DISC1: variants seen among roughly 807,000 people sequenced by gnomAD.
DISC1 encodes the protein disrupted in schizophrenia 1 protein.
A neutral mutation model predicts 84.5 loss-of-function variants in DISC1; 57 were observed. That is an observed-to-expected ratio of 0.67 (90% CI 0.55 to 0.84). The LOEUF is 0.84. DISC1 is among the 40% of genes least tolerant of loss of function. The probability of loss-of-function intolerance (pLI) is 0.00; values close to 1 mark genes in which losing one functional copy is unlikely to be tolerated. For synonymous variants in DISC1, 411 were observed against 415.2 expected (o/e 0.99, Z 0.12); for missense variants, 1,000 against 1,057.8 (o/e 0.95, Z 0.76).
At chr1:231,835,276 G>A (rs552098968) in intron 9 of DISC1, among the ~76,000 whole-genome samples, 2 of 152,332 alleles carry the variant, frequency 1.3e-5, no homozygotes, top group African/African-American at 4.8e-5. Context: ...AACAGGCTTT[G>A]TGTGAGCAAC....
intron 9 of DISC1, among the ~76,000 whole-genome samples, chr1:231,921,247 C>T (rs2089991022): frequency 6.6e-6 from 1 of 152,108 alleles, no homozygotes; most frequent in Admixed American, 6.5e-5. Flanking sequence ...GGCACTGGCT[C>T]AGGGCTCCAA....
chr1:231,929,324 C>T (rs1053254481), intron 9 of DISC1, among the ~76,000 whole-genome samples: 6 of 152,134 alleles, frequency 3.9e-5, no homozygotes, highest in African/African-American at 1.4e-4. Context: ...TTCATCCTTC[C>T]TCTCCTACTC....
intron 9 of DISC1, among the ~76,000 whole-genome samples, chr1:231,948,006 G>C (rs530123472): frequency 6.6e-6 from 1 of 152,270 alleles, no homozygotes; most frequent in East Asian, 1.9e-4. Context: ...TTACACTGTT[G>C]GTGGGAGTGT....
rs1341066467 is a variant in DISC1 at position 232,009,816 on chromosome 1, T to TC, written c.2307+768dup. Among the ~76,000 whole-genome samples, 1 of 152,158 alleles carries TC rather than the reference T, an allele frequency of 6.6e-6. No homozygotes were observed. Among genetic ancestry groups the TC allele is most frequent in the Non-Finnish European group, 1.5e-5 (1 of 68,026 alleles). On this transcript the variant is annotated intron_variant, in intron 11 of 12. Transcript: ENST00000439617. The surrounding 1 kb of genome is among the most constrained non-coding windows in gnomAD (Gnocchi z 4.6). ...TTCAGAGCTCTTTGTTGGCCCAGGT[T>TC]CACAGGTGTTGTGAGTGTGGAAAGG...
At chr1:231,948,537 T>C (rs1391261191) in intron 9 of DISC1, among the ~76,000 whole-genome samples, 6 of 151,910 alleles carry the variant, frequency 3.9e-5, no homozygotes, top group Admixed American at 3.9e-4. Flanking sequence ...CAAAACACCG[T>C]GGCACGTGTA....
intron 9 of DISC1, among the ~76,000 whole-genome samples, chr1:231,920,514 C>T (rs1031852909): frequency 6.6e-6 from 1 of 152,178 alleles, no homozygotes; most frequent in African/African-American, 2.4e-5. Flanking sequence ...TAGAATCATA[C>T]AGTATTTGCC....
At chr1:231,958,932 A>G in intron 10 of DISC1, 44 bp downstream of exon 10, 1 of 1,570,094 alleles carries the variant, frequency 6.4e-7, no homozygotes, top group Non-Finnish European at 8.6e-7. Flanking sequence ...TAGCACATCT[A>G]GATTCTTTAT....
At position 231,863,487 on chromosome 1, in the gene DISC1, T is replaced by C. The variant is rs190418712; in HGVS notation, c.1981+44970T>C. On this transcript the variant is annotated intron_variant, in intron 9 of 12. Coordinates refer to ENST00000439617, the MANE Select transcript of DISC1 (RefSeq NM_018662.3). Reference sequence around the variant, plus strand: ...CTCAAGCAATTTCCTTGCCTTGGCCTCCCAAAGTGCTGGGATTACATGCGT... The same window carrying C: ...CTCAAGCAATTTCCTTGCCTTGGCCCCCCAAAGTGCTGGGATTACATGCGT... Among the ~76,000 whole-genome samples, 1,190 of 152,268 alleles carry C rather than the reference T, an allele frequency of 7.8e-3. 17 individuals carry two copies. Among genetic ancestry groups the C allele is most frequent in the African/African-American group, 0.028 (1,148 of 41,556 alleles).
At chr1:231,644,087 G>A (rs1053458766) in intron 1 of DISC1, among the ~76,000 whole-genome samples, 2 of 152,158 alleles carry the variant, frequency 1.3e-5, no homozygotes, top group African/African-American at 4.8e-5. Flanking sequence ...TCTGGAGAGG[G>A]CACATGGCAT....
chr1:232,012,521 G>T (rs1381799542), intron 11 of DISC1, among the ~76,000 whole-genome samples: 1 of 152,146 alleles, frequency 6.6e-6, no homozygotes, highest in Non-Finnish European at 1.5e-5. Flanking sequence ...TGCAGCTCTG[G>T]GTTGGTTTTG....
At chr1:231,822,143 G>A (rs934277675) in intron 9 of DISC1, among the ~76,000 whole-genome samples, 15 of 152,158 alleles carry the variant, frequency 9.9e-5, no homozygotes, top group South Asian at 2.1e-4. Context: ...AAAGGAAACC[G>A]ACGTCAAGGG....
intron 12 of DISC1, among the ~76,000 whole-genome samples, chr1:232,030,279 A>T (rs1669880187): frequency 6.6e-6 from 1 of 152,252 alleles, no homozygotes; most frequent in South Asian, 2.1e-4. Context: ...GGTCTCCTCC[A>T]CGCTCAAAAT....
intron 9 of DISC1, among the ~76,000 whole-genome samples, chr1:231,902,213 A>G (rs2088234434): frequency 6.6e-6 from 1 of 152,120 alleles, no homozygotes; most frequent in Admixed American, 6.5e-5. Context: ...GGATAAGTTG[A>G]TGATCATAGT....
chr1:231,800,921 T>G (rs1027667929), intron 8 of DISC1, among the ~76,000 whole-genome samples: 1 of 151,898 alleles, frequency 6.6e-6, no homozygotes, highest in African/African-American at 2.4e-5. Flanking sequence ...TCTCGGTGTA[T>G]TATATATGGA....
chr1:232,022,596 G>A (rs537068248), intron 11 of DISC1, among the ~76,000 whole-genome samples: 3 of 152,098 alleles, frequency 2.0e-5, no homozygotes, highest in East Asian at 1.9e-4. Flanking sequence ...GTGAGCCACC[G>A]CACCCAGCCA....
chr1:232,009,346 A>G lies in DISC1; in HGVS notation c.2307+297A>G. 9.7e-7 allele frequency: 1 copy of G among 1,033,412 alleles called. No homozygotes were observed. Among genetic ancestry groups the G allele is most frequent in the South Asian group, 2.5e-5 (1 of 39,482 alleles). The allele number at this position is 1,033,412 out of a possible 1,614,324, so 64.0% of individuals were successfully genotyped here. On this transcript the variant is annotated intron_variant, in intron 11 of 12. Transcript: ENST00000439617. This position sits in a 1 kb window ranked among gnomAD's most constrained non-coding sequence, Gnocchi z 4.6. ...TATAGAATTACCATATATAGCATACATTATATATGTCATATATAATATAGT... is the reference window on the plus strand; with the variant it reads ...TATAGAATTACCATATATAGCATACGTTATATATGTCATATATAATATAGT...
At chr1:231,752,902 A>C (rs1489327024) in intron 4 of DISC1, among the ~76,000 whole-genome samples, 1 of 152,268 alleles carries the variant, frequency 6.6e-6, no homozygotes, top group East Asian at 1.9e-4. Context: ...ATTAAATCTT[A>C]AAGCTCCAAA....
chr1:231,815,464 C>T (rs951725476), intron 8 of DISC1, among the ~76,000 whole-genome samples: 3 of 152,058 alleles, frequency 2.0e-5, no homozygotes, highest in African/African-American at 4.8e-5. Flanking sequence ...GTTGGCTGGG[C>T]GCGGTGGCTC....
Position 231,682,784 on chromosome 1 carries a change from C to G in DISC1, c.68-11042C>G, listed in dbSNP as rs112130659. Among the ~76,000 whole-genome samples, 3 of 152,176 alleles carry G rather than the reference C, an allele frequency of 2.0e-5. No homozygotes were observed. In the East Asian group the frequency reaches 5.8e-4, roughly 29 times the overall value. On this transcript the variant is annotated intron_variant, in intron 1 of 12. Transcript: ENST00000439617. ...TAATCATGGTGCATGTATTAAGACT[C>G]AAAAATGAATATTGGTGCAATGAAC...
Sources: gnomAD v4.1 joint callset for allele counts (sites outside exome capture counted in the v4.1 genomes callset) on GRCh38, gnomAD v4.1.1 for gene constraint, Gnocchi (gnomAD v3.1) non-coding constraint, MANE v1.5 for transcripts, NCBI Gene and HGNC (gene_info 2026-07-23, HGNC 2026-07-21) for gene names.